Variants in CADM1 observed in about 807,000 individuals in gnomAD.
CADM1 encodes the protein cell adhesion molecule 1.
CADM1 carries 15 observed loss-of-function variants against 53.1 expected under a neutral mutation model. The observed-to-expected ratio is 0.28, with a 90% CI of 0.19 to 0.44. The LOEUF is 0.44. CADM1 is among the 20% of genes least tolerant of loss of function. The pLI is 1.00. For synonymous variants in CADM1, 281 were observed against 243.0 expected, an observed-to-expected ratio of 1.16 and a Z score of -1.45; for missense variants, 434 against 611.3, an observed-to-expected ratio of 0.71 and a Z score of 3.06.
At chr11:115,241,226 C>T (rs942319956) in intron 1 of CADM1, among the ~76,000 whole-genome samples, 1 of 152,174 alleles carries the variant, frequency 6.6e-6, no homozygotes, top group Non-Finnish European at 1.5e-5. Context: ...CAGCCTGGGC[C>T]ACCTCATAAA....
At chr11:115,492,924 A>G (rs1430799918) in intron 1 of CADM1, among the ~76,000 whole-genome samples, 2 of 135,844 alleles carry the variant, frequency 1.5e-5, no homozygotes, top group South Asian at 2.2e-4. Context: ...GAGACAAAGG[A>G]TATTTTATAC....
Position 115,304,474 on chromosome 11 carries a change from T to C in CADM1, c.125-64054A>G, listed in dbSNP as rs548255208. On this transcript the variant is annotated intron_variant, in intron 1 of 11. Transcript: ENST00000331581. ...CAGAAACAAGGATCAAATGCTTTGA[T>C]AGAAAAACACCATGCAAAAGTTAAT... 2.2e-4 allele frequency among the ~76,000 whole-genome samples: 34 copies of C among 152,160 alleles called. No homozygotes were observed. The South Asian group carries it at 4.1e-3, about 19-fold the overall frequency.
At position 115,457,109 on chromosome 11, in the gene CADM1, T is replaced by C. The variant is rs73581159; in HGVS notation, c.124+47162A>G. 2.1e-3 allele frequency among the ~76,000 whole-genome samples: 314 copies of C among 152,294 alleles called. 1 individual carries two copies. Among genetic ancestry groups the C allele is most frequent in the African/African-American group, 7.4e-3 (309 of 41,566 alleles). ...TTAAGGGCTTCTACATACATTTCCT[T>C]AATCTCCTCCACAACCCTAAGAGGT... is the stretch of plus-strand genomic sequence containing the variant. On this transcript the variant is annotated intron_variant, in intron 1 of 11. Transcript: ENST00000331581.
At chr11:115,353,385 T>C (rs1240531983) in intron 1 of CADM1, among the ~76,000 whole-genome samples, 1 of 152,254 alleles carries the variant, frequency 6.6e-6, no homozygotes, top group Admixed American at 6.5e-5. Flanking sequence ...ATGTAGCAAG[T>C]GCAACTGTGG....
chr11:115,405,692 G>A (rs989404673), intron 1 of CADM1, among the ~76,000 whole-genome samples: 1 of 152,186 alleles, frequency 6.6e-6, no homozygotes, highest in Non-Finnish European at 1.5e-5. Context: ...TCACCAATGA[G>A]TATGAAGGTA....
chr11:115,336,537 T>C (rs143837267), intron 1 of CADM1, among the ~76,000 whole-genome samples: 5 of 152,290 alleles, frequency 3.3e-5, no homozygotes, highest in Non-Finnish European at 7.4e-5. Flanking sequence ...GGTTAATGAG[T>C]ACCCTTATTT....
intron 3 of CADM1, among the ~76,000 whole-genome samples, chr11:115,233,165 A>G (rs556406625): frequency 2.0e-5 from 3 of 152,320 alleles, no homozygotes; most frequent in South Asian, 4.1e-4. Context: ...GGGTGTAATG[A>G]GCAGAGCCAA....
At chr11:115,430,320 G>T (rs766678562) in intron 1 of CADM1, among the ~76,000 whole-genome samples, 1 of 152,178 alleles carries the variant, frequency 6.6e-6, no homozygotes, top group Non-Finnish European at 1.5e-5. Flanking sequence ...TAGAGATCCT[G>T]ACAATCTTTA....
chr11:115,229,822 T>C (rs1016699261), intron 4 of CADM1, among the ~76,000 whole-genome samples: 3 of 152,188 alleles, frequency 2.0e-5, no homozygotes, highest in African/African-American at 4.8e-5. Flanking sequence ...ATTTACATAA[T>C]TGAAATTGTA....
chr11:115,434,699 G>A (rs1315479279), intron 1 of CADM1, among the ~76,000 whole-genome samples: 2 of 151,910 alleles, frequency 1.3e-5, no homozygotes, highest in African/African-American at 4.8e-5. Flanking sequence ...CCTGTGGCTG[G>A]TTTTCACCTC....
chr11:115,178,483 G>GTTTTTTTT (rs375004893), intron 11 of CADM1, among the ~76,000 whole-genome samples, 161 bp downstream of exon 11: 3 of 133,826 alleles, frequency 2.2e-5, no homozygotes, highest in African/African-American at 2.7e-5. Context: ...TTCTGGTTTT[G>GTTTTTTTT]TTTTTTTTTT....
chr11:115,231,007 T>C (rs1428559934), intron 4 of CADM1, among the ~76,000 whole-genome samples: 2 of 152,104 alleles, frequency 1.3e-5, no homozygotes, highest in Non-Finnish European at 2.9e-5. Flanking sequence ...GTAAAAGCAA[T>C]TAGAATTGAA....
intron 9 of CADM1, among the ~76,000 whole-genome samples, chr11:115,195,109 G>T (rs1007695805): frequency 1.3e-5 from 2 of 152,182 alleles, no homozygotes; most frequent in South Asian, 4.1e-4. Context: ...GATCCCTTGT[G>T]TCAGCCTAGT....
At chr11:115,400,550 T>C (rs1434390245) in intron 1 of CADM1, among the ~76,000 whole-genome samples, 1 of 145,222 alleles carries the variant, frequency 6.9e-6, no homozygotes, top group Admixed American at 7.0e-5. Flanking sequence ...CCTACATATA[T>C]ATATGGTGGT....
intron 1 of CADM1, among the ~76,000 whole-genome samples, chr11:115,259,237 C>G (rs1942889625): frequency 6.6e-6 from 1 of 150,762 alleles, no homozygotes; most frequent in Admixed American, 6.6e-5. Context: ...CTGCCCACCT[C>G]AGGCTCCCAA....
chr11:115,485,310 C>T (rs1949349977), intron 1 of CADM1, among the ~76,000 whole-genome samples: 2 of 152,220 alleles, frequency 1.3e-5, no homozygotes, highest in Admixed American at 1.3e-4. Context: ...CCTTAAGGAT[C>T]TCTCATACAC....
At chr11:115,299,712 GAAGC>G (rs1944170143) in intron 1 of CADM1, among the ~76,000 whole-genome samples, 1 of 152,116 alleles carries the variant, frequency 6.6e-6, no homozygotes, top group East Asian at 1.9e-4. Context: ...TTAAGAAGCA[GAAGC>G]AAGACGGAGA....
intron 8 of CADM1, among the ~76,000 whole-genome samples, chr11:115,205,368 G>A (rs1940626037): frequency 2.0e-5 from 3 of 152,044 alleles, no homozygotes; most frequent in Admixed American, 2.0e-4. Context: ...CACAGAAATG[G>A]GTAAGTTTAT....
intron 1 of CADM1, among the ~76,000 whole-genome samples, chr11:115,277,986 C>A (rs546321977): frequency 6.6e-6 from 1 of 152,222 alleles, no homozygotes; most frequent in East Asian, 1.9e-4. Context: ...CTTCCGATGA[C>A]CATGCCCCTC....
Sources: gnomAD v4.1 joint callset for allele counts (sites outside exome capture counted in the v4.1 genomes callset) on GRCh38, gnomAD v4.1.1 for gene constraint, MANE v1.5 for transcripts, NCBI Gene and HGNC (gene_info 2026-07-23, HGNC 2026-07-21) for gene names.